The following MOK variants were observed in gnomAD, a reference collection of about 807,000 sequenced individuals.
The protein encoded by MOK is MOK protein kinase, also known as MAPK/MAK/MRK overlapping kinase.
In MOK, 59 loss-of-function variants were observed where a neutral mutation model predicts 54.2. The observed-to-expected ratio is 1.09, with a 90% CI of 0.88 to 1.35. MOK has a LOEUF of 1.35. Ranked by LOEUF, MOK falls within the 40% of genes most tolerant of loss-of-function variation. The pLI, the probability that MOK is intolerant of heterozygous loss-of-function variation, is 0.00. For synonymous variants in MOK, 210 were observed against 202.7 expected, an observed-to-expected ratio of 1.04 and a Z score of -0.31; for missense variants, 517 against 526.2, an observed-to-expected ratio of 0.98 and a Z score of 0.17.
At position 102,231,529 on chromosome 14, in the gene MOK, G is replaced by C; in HGVS notation, c.981+178C>G. 1.7e-6 allele frequency: 1 copy of C among 576,228 alleles called. No individual in the cohort carries two copies. The highest frequency in any genetic ancestry group is 3.1e-6 in the Non-Finnish European group (1 of 319,954). The allele number at this position is 576,228 out of a possible 1,614,324, so 35.7% of individuals were successfully genotyped here. ...GAAAGGGCTTGAGCAAATAGAACTG[G>C]GGTCCCTGATGTCCCAACACATGGA... On this transcript the variant is annotated intron_variant, in intron 10 of 11. Coordinates refer to ENST00000361847, the MANE Select transcript of MOK (RefSeq NM_014226.3). The surrounding 1 kb of genome is among the most constrained non-coding windows in gnomAD (Gnocchi z 4.4).
intron 1 of MOK, among the ~76,000 whole-genome samples, chr14:102,283,963 C>A (rs1050068212): frequency 4.6e-5 from 7 of 152,148 alleles, no homozygotes; most frequent in African/African-American, 1.7e-4. Flanking sequence ...GCAGCAGCAG[C>A]CTCTAAGGAC....
chr14:102,226,476 G>C (rs77698399), downstream of MOK: 3 of 701,202 alleles, frequency 4.3e-6, no homozygotes, highest in African/African-American at 5.2e-5. This position sits in a 1 kb window ranked among gnomAD's most constrained non-coding sequence, Gnocchi z 4.8. Flanking sequence ...GCCAGCCAGG[G>C]TTCACGAGCT....
At chr14:102,223,127 C>T (rs1208436724), downstream of MOK, 1 of 388,686 alleles carries the variant, frequency 2.6e-6, no homozygotes, top group Non-Finnish European at 4.6e-6. Context: ...ATGGAGTTTT[C>T]TTGCTTTTTA....
chr14:102,263,249 C>G (rs1192971888), intron 4 of MOK, among the ~76,000 whole-genome samples: 1 of 152,174 alleles, frequency 6.6e-6, no homozygotes, highest in Non-Finnish European at 1.5e-5. Context: ...CACACATGCC[C>G]ACGGCGGGGC....
downstream of MOK, among the ~76,000 whole-genome samples, chr14:102,227,550 G>A (rs528399595): frequency 4.4e-4 from 67 of 152,288 alleles, no homozygotes; most frequent in African/African-American, 1.3e-3. Flanking sequence ...GGAAAGGCCT[G>A]CACTGCACCC....
chr14:102,242,444 CT>C (rs1320749243), intron 7 of MOK, among the ~76,000 whole-genome samples: 2 of 152,086 alleles, frequency 1.3e-5, no homozygotes, highest in Admixed American at 1.3e-4. Context: ...CATTGCTGCC[CT>C]TTTCCTCAGT....
In MOK at chr14:102,288,056, G is replaced by A. The variant is rs200696418; in HGVS notation, c.8-4464C>T. On this transcript the variant is annotated intron_variant, in intron 1 of 11. Coordinates refer to ENST00000361847, the MANE Select transcript of MOK (RefSeq NM_014226.3). The stretch of plus-strand genomic sequence containing the variant: ...TCACCTTGTTAGCCAGGATGGTCTC[G>A]ATCTCCTGACCTCATGATCCACCCG... 9.3e-5 allele frequency among the ~76,000 whole-genome samples: 14 copies of A among 151,300 alleles called. No individual in the cohort carries two copies. The East Asian group carries it at 1.6e-3, about 17-fold the overall frequency.
At chr14:102,243,130 C>A (rs957732653) in intron 7 of MOK, among the ~76,000 whole-genome samples, 4 of 152,188 alleles carry the variant, frequency 2.6e-5, no homozygotes, top group African/African-American at 9.7e-5. Context: ...CCAACCCCTT[C>A]TACAAAACAA....
rs141566192 is a variant in MOK, at chr14:102,232,579, G to A, written c.822C>T (p.Ile274=). 555 of 1,613,934 alleles carry A rather than the reference G, an allele frequency of 3.4e-4. 1 individual carries two copies. The highest frequency in any genetic ancestry group is 2.3e-3 in the Middle Eastern group (14 of 6,052). The part of the protein sequence containing the change: ...AMVAYDPDER[I]AAHQALQHPY... ...GGTGCTGCAGGGCCTGGTGGGCGGC[G>A]ATTCTCTCATCGGGATCATAGGCCA... Residue 274 remains isoleucine (I), a synonymous_variant, in exon 9 of 12, where the codon ATC becomes ATT. Transcript: ENST00000361847. The surrounding 1 kb of genome is among the most constrained non-coding windows in gnomAD (Gnocchi z 5.1).
intron 2 of MOK, among the ~76,000 whole-genome samples, chr14:102,268,020 T>C (rs1168552700): frequency 6.6e-6 from 1 of 151,454 alleles, no homozygotes; most frequent in East Asian, 1.9e-4. Context: ...CTGCTTCAGG[T>C]GGAAAGAGCA....
chr14:102,218,935 C>T, the MOK span, among the ~76,000 whole-genome samples: 44 of 152,362 alleles, frequency 2.9e-4, no homozygotes, highest in East Asian at 7.1e-3. Flanking sequence ...GGTCCTCCGT[C>T]GGCCGGGCCG....
chr14:102,233,681 T>C lies in MOK; in HGVS notation c.692+7A>G, dbSNP rs372175956. 6.2e-7 allele frequency: 1 copy of C among 1,608,818 alleles called. No homozygotes were observed. The highest frequency in any genetic ancestry group is 1.3e-5 in the African/African-American group (1 of 74,824). ...GTCCACATCCACTCTCAGAACACAA[T>C]ACTTACTGTTTGAACTTGGTGAGGA... On this transcript the variant is annotated splice_region_variant and intron_variant, in intron 8 of 11. Transcript: ENST00000361847.
In MOK at chr14:102,273,386, T is replaced by A. The variant is rs555766770; in HGVS notation, c.123-7474A>T. ...CTTATGGCTAACAATGGGAAATAAA[T>A]GTTTAAAATATCCTTTTATAATAAT... On this transcript the variant is annotated intron_variant, in intron 2 of 11. Transcript: ENST00000361847. Among the ~76,000 whole-genome samples, 3 of 152,016 alleles carry A rather than the reference T, an allele frequency of 2.0e-5. No individual in the cohort carries two copies. In the East Asian group the frequency reaches 5.8e-4, roughly 29 times the overall value.
chr14:102,281,608 G>T (rs560385681), intron 2 of MOK, among the ~76,000 whole-genome samples: 73 of 78,442 alleles, frequency 9.3e-4, no homozygotes, highest in Non-Finnish European at 1.2e-3. Context: ...GTTTTTTTGT[G>T]TTTTTTTTTT....
At chr14:102,304,504 C>G (rs2072564250) in intron 1 of MOK, among the ~76,000 whole-genome samples, 1 of 152,220 alleles carries the variant, frequency 6.6e-6, no homozygotes, top group Admixed American at 6.5e-5. Flanking sequence ...CACAGCCCAG[C>G]TTTCCTCTCA....
Position 102,232,381 on chromosome 14 carries a change from G to T in MOK, c.866+154C>A. On this transcript the variant is annotated intron_variant, in intron 9 of 11. Coordinates refer to ENST00000361847, the MANE Select transcript of MOK (RefSeq NM_014226.3). This position sits in a 1 kb window ranked among gnomAD's most constrained non-coding sequence, Gnocchi z 5.1. ...ATACACCAGAAGGCAGCACGGTGTGGGCCCCAAGAGGCCCTGACCACTCTT... is the reference window on the plus strand; with the variant it reads ...ATACACCAGAAGGCAGCACGGTGTGTGCCCCAAGAGGCCCTGACCACTCTT... 1 of 789,780 alleles carries T rather than the reference G, an allele frequency of 1.3e-6. No homozygotes were observed. Among genetic ancestry groups the T allele is most frequent in the Non-Finnish European group, 1.9e-6 (1 of 518,026 alleles). 48.9% of individuals were successfully genotyped at this position (789,780 alleles called of 1,614,324 possible).
intron 4 of MOK, among the ~76,000 whole-genome samples, chr14:102,252,450 C>T (rs1347718034): frequency 1.3e-5 from 2 of 150,524 alleles, no homozygotes; most frequent in African/African-American, 2.4e-5. Flanking sequence ...AGCAAAACTC[C>T]GTCCAAAAAA....
intron 2 of MOK, 195 bp downstream of exon 2, chr14:102,283,283 T>C: frequency 2.3e-6 from 1 of 432,914 alleles, no homozygotes; most frequent in Non-Finnish European, 4.1e-6. Flanking sequence ...TCATCACTGA[T>C]ATTACAGTAA....
At chr14:102,246,834 C>T (rs1243740037) in intron 7 of MOK, among the ~76,000 whole-genome samples, 1 of 152,122 alleles carries the variant, frequency 6.6e-6, no homozygotes, top group Non-Finnish European at 1.5e-5. Flanking sequence ...TGTGCGCCAG[C>T]GACATCCACC....
Sources: allele counts gnomAD v4.1 joint callset (sites outside exome capture counted in the v4.1 genomes callset), GRCh38; gene constraint gnomAD v4.1.1; non-coding constraint Gnocchi (gnomAD v3.1); transcripts MANE v1.5; gene names NCBI Gene and HGNC (gene_info 2026-07-23, HGNC 2026-07-21).